Variants in PPM1B observed in about 807,000 individuals in gnomAD.
PPM1B encodes protein phosphatase, Mg2+/Mn2+ dependent 1B.
PPM1B carries 22 observed loss-of-function variants against 43.0 expected under a neutral mutation model. That is an observed-to-expected ratio of 0.51 (90% CI 0.37 to 0.73). The LOEUF is 0.73. Among genes scored for constraint, PPM1B ranks in the 30% least tolerant of loss-of-function variants. The pLI is 0.00. For synonymous variants in PPM1B, 217 were observed against 197.9 expected, an observed-to-expected ratio of 1.10 and a Z score of -0.81; for missense variants, 632 against 584.2, an observed-to-expected ratio of 1.08 and a Z score of -0.84.
intron 2 of PPM1B, 43 bp from the exon 3 acceptor site, chr2:44,209,167 T>TG: frequency 6.8e-7 from 1 of 1,466,428 alleles, no homozygotes; most frequent in Non-Finnish European, 9.2e-7. Context: ...AATAGTTGAT[T>TG]GTAGAAATAC....
intron 1 of PPM1B, among the ~76,000 whole-genome samples, chr2:44,187,800 A>G (rs192217736): frequency 5.4e-4 from 82 of 151,916 alleles, no homozygotes; most frequent in African/African-American, 1.9e-3. Flanking sequence ...CCCAGGCTGG[A>G]GTGCAGTGGT....
At chr2:44,210,996 C>T (rs370320383) in intron 3 of PPM1B, among the ~76,000 whole-genome samples, 2 of 151,938 alleles carry the variant, frequency 1.3e-5, no homozygotes, top group Non-Finnish European at 2.9e-5. Context: ...ATTAGTCGGG[C>T]GTGGTGGCAG....
intron 5 of PPM1B, among the ~76,000 whole-genome samples, chr2:44,241,481 C>T (rs890445796): frequency 3.5e-5 from 5 of 143,370 alleles, no homozygotes; most frequent in South Asian, 5.0e-4. Context: ...CCTGTAATCC[C>T]GGCACTATGG....
chr2:44,169,220 A>G lies in PPM1B; in HGVS notation c.-69A>G, dbSNP rs576213531. On this transcript the variant is annotated 5_prime_UTR_variant, in exon 1 of 6. Coordinates refer to ENST00000282412, the MANE Select transcript of PPM1B (RefSeq NM_002706.6). Reference sequence around the variant, plus strand: ...CCTCCGTTGGAAACTTGGGCTGAGTACCGCGGCGGGCGCGAGCGAGGCGCC... The same window carrying G: ...CCTCCGTTGGAAACTTGGGCTGAGTGCCGCGGCGGGCGCGAGCGAGGCGCC... 6.5e-6 allele frequency: 1 copy of G among 154,870 alleles called. No homozygotes were observed. The highest frequency in any genetic ancestry group is 1.9e-4 in the East Asian group (1 of 5,178). The allele number at this position is 154,870 out of a possible 1,614,324, so 9.6% of individuals were successfully genotyped here. A position where few individuals can be genotyped will look rare whatever the true frequency, so the allele number is the denominator to read the frequency against.
downstream of PPM1B, among the ~76,000 whole-genome samples, chr2:44,246,832 T>C (rs1259366401): frequency 6.6e-6 from 1 of 152,234 alleles, no homozygotes. Flanking sequence ...TGCTGATTTC[T>C]TGGTTTTGTT....
rs756984824 is a variant in PPM1B at position 44,201,835 on chromosome 2, C to T, written c.636C>T (p.Gly212=). ...LGDYDYKCVD[G]KGPTEQLVSP... ...ACTATGATTACAAGTGTGTTGATGG[C>T]AAGGGCCCAACAGAACAACTTGTTT... Residue 212 remains glycine (G), a synonymous_variant, in exon 2 of 6, where the codon GGC becomes GGT. Transcript: ENST00000282412. This position sits in a 1 kb window ranked among gnomAD's most constrained non-coding sequence, Gnocchi z 5.4. 6.2e-7 allele frequency: 1 copy of T among 1,614,098 alleles called. No individual in the cohort carries two copies. The highest frequency in any genetic ancestry group is 8.5e-7 in the Non-Finnish European group (1 of 1,180,010).
Position 44,225,990 on chromosome 2 carries a change from T to A in PPM1B, c.1135-4423T>A, listed in dbSNP as rs559974542. Reference sequence around the variant, plus strand: ...TTTTAGTATGTCTTTTTTTTTTTTTTTTTGAGAGAGAGTCTTGCTCTGTCG... The same window carrying A: ...TTTTAGTATGTCTTTTTTTTTTTTTATTTGAGAGAGAGTCTTGCTCTGTCG... On this transcript the variant is annotated intron_variant, in intron 5 of 5. Coordinates refer to ENST00000282412, the MANE Select transcript of PPM1B (RefSeq NM_002706.6). Among the ~76,000 whole-genome samples, 3 of 151,264 alleles carry A rather than the reference T, an allele frequency of 2.0e-5. No homozygotes were observed. In the East Asian group the frequency reaches 5.8e-4, roughly 29 times the overall value.
intron 1 of PPM1B, among the ~76,000 whole-genome samples, chr2:44,187,414 C>A (rs908173740): frequency 6.6e-6 from 1 of 152,202 alleles, no homozygotes; most frequent in Non-Finnish European, 1.5e-5. Flanking sequence ...ATCCCACTGT[C>A]ATTTTTTTGG....
downstream of PPM1B, among the ~76,000 whole-genome samples, chr2:44,239,110 T>A (rs1363065935): frequency 6.9e-6 from 1 of 143,952 alleles, no homozygotes; most frequent in African/African-American, 2.6e-5. Flanking sequence ...GGAGTTCAAG[T>A]CTGCAGTGAG....
At chr2:44,190,764 A>T (rs1286765038) in intron 1 of PPM1B, among the ~76,000 whole-genome samples, 1 of 152,216 alleles carries the variant, frequency 6.6e-6, no homozygotes, top group African/African-American at 2.4e-5. Flanking sequence ...CATAAATTGA[A>T]CAGCGCAAGT....
chr2:44,234,067 CAT>C, downstream of PPM1B: 1 of 968,254 alleles, frequency 1.0e-6, no homozygotes, highest in African/African-American at 1.8e-5. Flanking sequence ...AACAGTGTGA[CAT>C]ATTACTATTT....
At chr2:44,187,085 C>T (rs148154179) in intron 1 of PPM1B, among the ~76,000 whole-genome samples, 111 of 152,316 alleles carry the variant, frequency 7.3e-4, no homozygotes, top group African/African-American at 2.4e-3. Flanking sequence ...ACAGCTTCCC[C>T]TTTCCCCTTC....
chr2:44,234,784 T>C (rs755645255), downstream of PPM1B: 8 of 179,080 alleles, frequency 4.5e-5, no homozygotes, highest in Non-Finnish European at 7.6e-5. Context: ...TGAGAAATTA[T>C]ACATACTGTT....
Position 44,218,085 on chromosome 2 carries a change from A to T in PPM1B, c.1076+7A>T. ...GGGGAGGTCTTGCTGGCAAGTAAGT[A>T]GAACAAAAAGCTAATTTTGAGTTCG... On this transcript the variant is annotated splice_region_variant and intron_variant, in intron 4 of 5. Coordinates refer to ENST00000282412, the MANE Select transcript of PPM1B (RefSeq NM_002706.6). 1 of 1,592,436 alleles carries T rather than the reference A, an allele frequency of 6.3e-7. No homozygotes were observed. Among genetic ancestry groups the T allele is most frequent in the Non-Finnish European group, 8.6e-7 (1 of 1,162,018 alleles).
chr2:44,224,455 CAAAAA>C (rs75767532), intron 5 of PPM1B, among the ~76,000 whole-genome samples: 6 of 84,660 alleles, frequency 7.1e-5, no homozygotes, highest in Admixed American at 1.4e-4. Flanking sequence ...ACTCCGTCTC[CAAAAA>C]AAAAAAAAAA....
Position 44,230,395 on chromosome 2 carries a change from C to G in PPM1B, c.1135-18C>G, listed in dbSNP as rs767418584. 3 of 1,611,576 alleles carry G rather than the reference C, an allele frequency of 1.9e-6. No individual in the cohort carries two copies. The highest frequency in any genetic ancestry group is 2.5e-6 in the Non-Finnish European group (3 of 1,178,842). ...CTAGTTTGTCTACTGACACTGGGGT[C>G]TTGAATCTTAAAAAAAGGCCTCCGA... On this transcript the variant is annotated intron_variant, in intron 5 of 5. Transcript: ENST00000282412.
downstream of PPM1B, among the ~76,000 whole-genome samples, chr2:44,235,410 C>T (rs1427914276): frequency 1.3e-5 from 2 of 152,032 alleles, no homozygotes; most frequent in Non-Finnish European, 2.9e-5. Context: ...TTGAGACCAG[C>T]CTGACCAACA....
At chr2:44,241,349 A>G (rs535585858) in intron 5 of PPM1B, among the ~76,000 whole-genome samples, 1 of 145,120 alleles carries the variant, frequency 6.9e-6, no homozygotes, top group African/African-American at 2.5e-5. Flanking sequence ...CCATCATGGC[A>G]TAGTTGCACC....
intron 5 of PPM1B, among the ~76,000 whole-genome samples, chr2:44,227,059 A>C (rs969124864): frequency 6.6e-6 from 1 of 151,854 alleles, no homozygotes; most frequent in East Asian, 1.9e-4. Context: ...CTGTAATCTC[A>C]ACCTCCTGGG....
Sources: allele counts gnomAD v4.1 joint callset (sites outside exome capture counted in the v4.1 genomes callset), GRCh38; gene constraint gnomAD v4.1.1; non-coding constraint Gnocchi (gnomAD v3.1); transcripts MANE v1.5; gene names NCBI Gene and HGNC (gene_info 2026-07-23, HGNC 2026-07-21).